Variants in PRPF3 observed in about 807,000 individuals in gnomAD.
PRPF3 encodes the protein pre-mRNA processing factor 3.
Under a neutral mutation model 89.2 loss-of-function variants are expected in PRPF3, and 3 were observed. That is an observed-to-expected ratio of 0.03 (90% CI 0.02 to 0.09). The LOEUF is 0.09. Ranked by LOEUF, PRPF3 falls within the 10% of genes least tolerant of loss-of-function variation. PRPF3 has a pLI of 1.00. For missense variants in PRPF3, 463 were observed against 828.8 expected, an observed-to-expected ratio of 0.56 and a Z score of 5.42; for synonymous variants, 270 against 289.1, an observed-to-expected ratio of 0.93 and a Z score of 0.67.
chr1:150,343,582 C>A, intron 10 of PRPF3, 130 bp downstream of exon 10: 4 of 1,257,698 alleles, frequency 3.2e-6, no homozygotes, highest in Non-Finnish European at 4.5e-6. Context: ...TCCTTTTTCT[C>A]CAAGTTTTCT....
rs1467846345 is a variant in PRPF3, at chr1:150,338,495, G to GTATTTTTTTTTTTTTTTTTT, written c.1202+170_1202+171insATTTTTTTTTTTTTTTTTTT. On this transcript the variant is annotated intron_variant, in intron 8 of 15. Transcript: ENST00000324862. ...GATAAGTAACTGTACACAAGGTCCT[G>GTATTTTTTTTTTTTTTTTTT]TTATTTTTTTTTTTTTTTTTTTTGA... Among the ~76,000 whole-genome samples the GTATTTTTTTTTTTTTTTTTT allele has an allele frequency of 3.1e-4, 11 of 35,760 alleles. 5 individuals are homozygous for GTATTTTTTTTTTTTTTTTTT. The highest frequency in any genetic ancestry group is 2.3e-4 in the Non-Finnish European group (4 of 17,264). 23.5% of individuals were successfully genotyped at this position (35,760 alleles called of 152,430 possible).
At chr1:150,327,226 C>T (rs1459895236) in intron 3 of PRPF3, among the ~76,000 whole-genome samples, 1 of 151,962 alleles carries the variant, frequency 6.6e-6, no homozygotes, top group Non-Finnish European at 1.5e-5. Context: ...TGCCACCATG[C>T]CTGGCTAATT....
At chr1:150,323,173 CTTTTTTTTTTTT>C (rs71083901) in intron 1 of PRPF3, among the ~76,000 whole-genome samples, 4 of 48,270 alleles carry the variant, frequency 8.3e-5, no homozygotes, top group East Asian at 7.7e-4. Context: ...CCGCACCTGG[CTTTTTTTTTTTT>C]TTTTTTTTTT....
chr1:150,338,138 T>C, intron 7 of PRPF3, 22 bp from the exon 8 acceptor site: 3 of 1,613,060 alleles, frequency 1.9e-6, no homozygotes, highest in Non-Finnish European at 2.5e-6. Context: ...TATCTTTCTG[T>C]CTTGGATTAT....
chr1:150,346,393 C>A lies in PRPF3; in HGVS notation c.1760-15C>A, dbSNP rs1367299338. ...CTTCCACAGTTCTGGCAAAATTATT[C>A]TTCTCTGTTTCCAGGCCCCAAGGCC... On this transcript the variant is annotated splice_polypyrimidine_tract_variant and intron_variant, in intron 13 of 15. Coordinates refer to ENST00000324862, the MANE Select transcript of PRPF3 (RefSeq NM_004698.4). 3 of 1,610,386 alleles carry A rather than the reference C, an allele frequency of 1.9e-6. No individual in the cohort carries two copies. The highest frequency in any genetic ancestry group is 2.7e-5 in the African/African-American group (2 of 74,836).
chr1:150,346,081 C>T lies in PRPF3; in HGVS notation c.1704C>T (p.Tyr568=). Residue 568 remains tyrosine (Y), a synonymous_variant, in exon 13 of 16, where the codon TAC becomes TAT. Coordinates refer to ENST00000324862, the MANE Select transcript of PRPF3 (RefSeq NM_004698.4). ...TTGAAGCCAATGCTGGGCAACTGTA[C>T]CTGACAGGGGTGGTGGTACTGCACA... ...FKIEANAGQL[Y]LTGVVVLHKD... 1 of 1,614,162 alleles carries T rather than the reference C, an allele frequency of 6.2e-7. No homozygotes were observed. The highest frequency in any genetic ancestry group is 8.5e-7 in the Non-Finnish European group (1 of 1,180,036).
rs587662171 is a variant in PRPF3, at chr1:150,352,776, A to AT, written c.1906-56dup. On this transcript the variant is annotated intron_variant, in intron 15 of 15. Coordinates refer to ENST00000324862, the MANE Select transcript of PRPF3 (RefSeq NM_004698.4). The stretch of plus-strand genomic sequence containing the variant: ...TGTTACTAGGTCTTCTTATAAAAGA[A>AT]TATTATCTGATTTAAATAAGAAATT... 3,815 of 1,558,022 alleles carry AT rather than the reference A, an allele frequency of 2.4e-3. 7 individuals are homozygous for AT. The highest frequency in any genetic ancestry group is 3.0e-3 in the Non-Finnish European group (3,417 of 1,136,284).
intron 3 of PRPF3, chr1:150,327,513 C>T: frequency 1.0e-6 from 1 of 956,812 alleles, no homozygotes; most frequent in Non-Finnish European, 1.2e-6. Flanking sequence ...AGGTCCCCAC[C>T]CCACACAATA....
At chr1:150,337,356 C>T (rs782628527) in intron 7 of PRPF3, among the ~76,000 whole-genome samples, 3 of 151,896 alleles carry the variant, frequency 2.0e-5, no homozygotes, top group Non-Finnish European at 4.4e-5. Context: ...TCTATTTCTG[C>T]GTATTTACTG....
At chr1:150,329,436 A>G (rs996730471) in intron 4 of PRPF3, among the ~76,000 whole-genome samples, 1 of 152,216 alleles carries the variant, frequency 6.6e-6, no homozygotes, top group Admixed American at 6.5e-5. Context: ...TGGCAAGCAA[A>G]GTGTGTTATG....
At chr1:150,323,613 C>T (rs182268653) in intron 1 of PRPF3, among the ~76,000 whole-genome samples, 142 of 124,232 alleles carry the variant, frequency 1.1e-3, no homozygotes, top group African/African-American at 4.2e-3. Context: ...CCAGCCTGGG[C>T]GACGGAGTGA....
At chr1:150,337,058 A>G (rs1572234289) in intron 7 of PRPF3, among the ~76,000 whole-genome samples, 1 of 3,034 alleles carries the variant, frequency 3.3e-4, no homozygotes. Flanking sequence ...TTTTTTTTTG[A>G]GACGGAGTCT....
chr1:150,350,621 A>G (rs1216263958), intron 15 of PRPF3, among the ~76,000 whole-genome samples: 2 of 152,228 alleles, frequency 1.3e-5, no homozygotes, highest in Non-Finnish European at 2.9e-5. Flanking sequence ...TTACAAAAGT[A>G]GTAAATGTTT....
At chr1:150,346,323 T>C in intron 13 of PRPF3, 85 bp from the exon 14 acceptor site, 2 of 1,410,238 alleles carry the variant, frequency 1.4e-6, no homozygotes, top group Non-Finnish European at 2.0e-6. Context: ...TTGCTTCAAC[T>C]ACCACATTAA....
chr1:150,325,233 C>A, intron 2 of PRPF3, 146 bp downstream of exon 2: 1 of 874,856 alleles, frequency 1.1e-6, no homozygotes, highest in Non-Finnish European at 1.7e-6. Context: ...TGAAAATAGG[C>A]TAAATAATAA....
intron 3 of PRPF3, 122 bp downstream of exon 3, chr1:150,326,003 C>T: frequency 3.2e-6 from 4 of 1,256,736 alleles, no homozygotes; most frequent in Non-Finnish European, 4.6e-6. Context: ...AAGAGAGGTA[C>T]TTAGACATTA....
intron 1 of PRPF3, among the ~76,000 whole-genome samples, chr1:150,323,220 G>A (rs6670974): frequency 0.23 from 25,665 of 112,964 alleles, 3,196 homozygotes; most frequent in African/African-American, 0.31. Flanking sequence ...TCACTCTGTC[G>A]CTCAGGCTGG....
chr1:150,344,889 C>CT (rs879999153), intron 12 of PRPF3, among the ~76,000 whole-genome samples: 2,354 of 137,924 alleles, frequency 0.017, 52 homozygotes, highest in African/African-American at 0.053. Context: ...TTTTTTTCAT[C>CT]TTTTTTTTTT....
chr1:150,338,697 T>C (rs2101992108), intron 8 of PRPF3, among the ~76,000 whole-genome samples: 1 of 152,190 alleles, frequency 6.6e-6, no homozygotes, highest in Non-Finnish European at 1.5e-5. Context: ...GTATTTTTGA[T>C]AGAGACAGGG....
Sources: allele counts gnomAD v4.1 joint callset (sites outside exome capture counted in the v4.1 genomes callset), GRCh38; gene constraint gnomAD v4.1.1; transcripts MANE v1.5; gene names NCBI Gene and HGNC (gene_info 2026-07-23, HGNC 2026-07-21).